DOK6: variants seen among roughly 807,000 people sequenced by gnomAD.
DOK6 encodes docking protein 6.
A neutral mutation model predicts 44.0 loss-of-function variants in DOK6; 22 were observed. That is an observed-to-expected ratio of 0.50 (90% CI 0.36 to 0.71). DOK6 has a LOEUF of 0.71. DOK6 is among the 30% of genes least tolerant of loss of function. The pLI is 0.00. For synonymous variants in DOK6, 166 were observed against 145.5 expected (o/e 1.14, Z -1.01); for missense variants, 340 against 416.4 (o/e 0.82, Z 1.60).
intron 7 of DOK6, among the ~76,000 whole-genome samples, chr18:69,824,134 T>A (rs1324878982): frequency 6.6e-6 from 1 of 151,696 alleles, no homozygotes; most frequent in Non-Finnish European, 1.5e-5. Context: ...CATGTTGGTG[T>A]GCTGCACCCA....
At chr18:69,413,748 A>G (rs1047851430) in intron 1 of DOK6, among the ~76,000 whole-genome samples, 3 of 152,038 alleles carry the variant, frequency 2.0e-5, no homozygotes, top group Admixed American at 6.6e-5. Flanking sequence ...TGACAATTTC[A>G]TCTTATTGAA....
rs375463602 is a variant in DOK6 at position 69,549,359 on chromosome 18, C to CT, written c.67-15121dup. The stretch of plus-strand genomic sequence containing the variant: ...GATAGGCCTATGCAAATTAACCATG[C>CT]TTTTTTTATTAAATTAGTAGTTGTA... On this transcript the variant is annotated intron_variant, in intron 1 of 7. Transcript: ENST00000382713. 5.6e-4 allele frequency among the ~76,000 whole-genome samples: 85 copies of CT among 151,430 alleles called. 1 individual carries two copies. The highest frequency in any genetic ancestry group is 3.4e-3 in the Middle Eastern group (1 of 294).
chr18:69,599,334 C>A, intron 2 of DOK6, 50 bp from the exon 3 acceptor site: 1 of 1,294,818 alleles, frequency 7.7e-7, no homozygotes. Flanking sequence ...AGCACTCCAA[C>A]ATACAGCATA....
At chr18:69,591,489 A>C (rs997678053) in intron 2 of DOK6, among the ~76,000 whole-genome samples, 1 of 152,192 alleles carries the variant, frequency 6.6e-6, no homozygotes, top group Non-Finnish European at 1.5e-5. Context: ...TGAAAATTTG[A>C]AAATTTAAGC....
chr18:69,675,753 T>C (rs758489076), intron 3 of DOK6, among the ~76,000 whole-genome samples: 18 of 152,154 alleles, frequency 1.2e-4, no homozygotes, highest in Non-Finnish European at 1.9e-4. Flanking sequence ...AGCATGTAAA[T>C]TGGTTTAACC....
chr18:69,543,428 A>G (rs1329117909), intron 1 of DOK6, among the ~76,000 whole-genome samples: 1 of 151,628 alleles, frequency 6.6e-6, no homozygotes, highest in Non-Finnish European at 1.5e-5. Flanking sequence ...CAAAGAAACA[A>G]GGATGAAGGA....
At chr18:69,751,289 G>C (rs1441229263) in intron 6 of DOK6, among the ~76,000 whole-genome samples, 1 of 151,822 alleles carries the variant, frequency 6.6e-6, no homozygotes, top group Non-Finnish European at 1.5e-5. Flanking sequence ...TGAATTAATG[G>C]TTATGTTAAT....
At chr18:69,593,790 G>A (rs1362315688) in intron 2 of DOK6, among the ~76,000 whole-genome samples, 2 of 152,060 alleles carry the variant, frequency 1.3e-5, no homozygotes, top group African/African-American at 2.4e-5. Context: ...CTTTGGAAAA[G>A]GTTCTCAAAT....
intron 3 of DOK6, among the ~76,000 whole-genome samples, chr18:69,637,765 G>C (rs1984842651): frequency 6.6e-6 from 1 of 151,902 alleles, no homozygotes; most frequent in African/African-American, 2.4e-5. Flanking sequence ...AAGGGGTAGA[G>C]AGCTGCCTTC....
At chr18:69,501,557 C>T (rs991619147) in intron 1 of DOK6, among the ~76,000 whole-genome samples, 3 of 152,104 alleles carry the variant, frequency 2.0e-5, no homozygotes, top group Non-Finnish European at 2.9e-5. Context: ...TAGGTTTCCA[C>T]GTACTTGTGG....
intron 7 of DOK6, among the ~76,000 whole-genome samples, chr18:69,820,749 T>C (rs998216802): frequency 1.3e-5 from 2 of 152,144 alleles, no homozygotes; most frequent in African/African-American, 2.4e-5. Context: ...TGCAGGAACA[T>C]GGATGGAGCT....
In DOK6 at chr18:69,789,843, C is replaced by A. The variant is rs141795004; in HGVS notation, c.856+31970C>A. Reference sequence around the variant, plus strand: ...CACTTTTTCTTCTTTACTTGATTATCCAGCAAGTTTTCTGCCACTAAGCCC... The same window carrying A: ...CACTTTTTCTTCTTTACTTGATTATACAGCAAGTTTTCTGCCACTAAGCCC... On this transcript the variant is annotated intron_variant, in intron 7 of 7. Coordinates refer to ENST00000382713, the MANE Select transcript of DOK6 (RefSeq NM_152721.6). Among the ~76,000 whole-genome samples the A allele has an allele frequency of 9.2e-5, 14 of 152,248 alleles. No individual in the cohort carries two copies. In the East Asian group the frequency reaches 2.7e-3, roughly 29 times the overall value.
chr18:69,791,359 C>T (rs1335971138), intron 7 of DOK6, among the ~76,000 whole-genome samples: 1 of 152,180 alleles, frequency 6.6e-6, no homozygotes, highest in African/African-American at 2.4e-5. Flanking sequence ...TACTAACTTA[C>T]ATTCCCACCA....
chr18:69,610,070 A>C (rs1477634102), intron 3 of DOK6, among the ~76,000 whole-genome samples: 8 of 152,194 alleles, frequency 5.3e-5, no homozygotes, highest in Admixed American at 2.6e-4. Flanking sequence ...TAAGTTCTAG[A>C]GATCTTCTGT....
intron 4 of DOK6, among the ~76,000 whole-genome samples, chr18:69,692,497 T>TA (rs1220042765): frequency 1.3e-5 from 2 of 152,254 alleles, no homozygotes; most frequent in African/African-American, 4.8e-5. Context: ...CTGGGGTTTT[T>TA]ATCACGTGAT....
At chr18:69,839,056 G>A (rs28499545) in intron 7 of DOK6, among the ~76,000 whole-genome samples, 3 of 129,930 alleles carry the variant, frequency 2.3e-5, no homozygotes, top group Non-Finnish European at 5.0e-5. Context: ...TCTCTCCCTA[G>A]CTCCACTCCT....
intron 5 of DOK6, among the ~76,000 whole-genome samples, chr18:69,709,478 C>A (rs1337901448): frequency 2.0e-5 from 3 of 152,060 alleles, no homozygotes; most frequent in Admixed American, 6.6e-5. Context: ...AATGTTAAAA[C>A]TCTCACAACA....
intron 7 of DOK6, among the ~76,000 whole-genome samples, chr18:69,792,990 T>C (rs1368248963): frequency 1.3e-5 from 2 of 152,106 alleles, no homozygotes; most frequent in Non-Finnish European, 2.9e-5. Flanking sequence ...TGCATTCAAA[T>C]TTATAGCCAG....
chr18:69,624,433 C>A (rs1984510298), intron 3 of DOK6, among the ~76,000 whole-genome samples: 1 of 152,028 alleles, frequency 6.6e-6, no homozygotes, highest in Non-Finnish European at 1.5e-5. Context: ...AATTTAAAAC[C>A]AGCTAGTAAT....
Sources: allele counts gnomAD v4.1 joint callset (sites outside exome capture counted in the v4.1 genomes callset), GRCh38; gene constraint gnomAD v4.1.1; transcripts MANE v1.5; gene names NCBI Gene and HGNC (gene_info 2026-07-23, HGNC 2026-07-21).